APOBEC3C: variants seen among roughly 807,000 people sequenced by gnomAD.
APOBEC3C encodes DNA dC->dU-editing enzyme APOBEC-3C.
APOBEC3C carries 14 observed loss-of-function variants against 20.6 expected under a neutral mutation model. That is an observed-to-expected ratio of 0.68 (90% CI 0.45 to 1.06). APOBEC3C has a LOEUF of 1.06. Among genes scored for constraint, APOBEC3C ranks in the 50% least tolerant of loss-of-function variants. APOBEC3C has a pLI of 0.00. For missense variants in APOBEC3C, 244 were observed against 241.9 expected (o/e 1.01, Z -0.06); for synonymous variants, 98 against 88.8 (o/e 1.10, Z -0.58).
chr22:39,015,780 A>T, intron 2 of APOBEC3C, 29 bp downstream of exon 2: 1 of 1,603,230 alleles, frequency 6.2e-7, no homozygotes, highest in Non-Finnish European at 8.5e-7. Flanking sequence ...TTACACCCTA[A>T]ATAGGAGCTA....
chr22:39,016,022 C>T (rs1044425199), intron 2 of APOBEC3C, among the ~76,000 whole-genome samples: 1 of 151,658 alleles, frequency 6.6e-6, no homozygotes, highest in Non-Finnish European at 1.5e-5. Flanking sequence ...ATTACAGGCA[C>T]CTGCCACCAT....
chr22:39,014,420 T>C lies in APOBEC3C; in HGVS notation c.17+41T>C, dbSNP rs746369424. 18 of 1,613,432 alleles carry C rather than the reference T, an allele frequency of 1.1e-5. No homozygotes were observed. In the East Asian group the frequency reaches 3.8e-4, roughly 34 times the overall value. ...TTGTCCGCCAGGCCCCTCCTGCCAC[T>C]TCCTGCCAGGCGGTCCTGCTGGGCC... On this transcript the variant is annotated intron_variant, in intron 1 of 3. Coordinates refer to ENST00000361441, the MANE Select transcript of APOBEC3C (RefSeq NM_014508.3).
Position 39,014,263 on chromosome 22 carries a change from A to G in APOBEC3C, c.-100A>G, listed in dbSNP as rs988529920. Reference sequence around the variant, plus strand: ...CACAAGGCCCTGGGAGGTCACTTTAAAGAGGGCTGCTCAACTGCAAGGACG... The same window carrying G: ...CACAAGGCCCTGGGAGGTCACTTTAGAGAGGGCTGCTCAACTGCAAGGACG... On this transcript the variant is annotated 5_prime_UTR_variant, in exon 1 of 4. Transcript: ENST00000361441. The G allele has an allele frequency of 6.6e-6, 10 of 1,506,862 alleles. No homozygotes were observed. Among genetic ancestry groups the G allele is most frequent in the African/African-American group, 2.8e-5 (2 of 72,420 alleles). 93.3% of individuals were successfully genotyped at this position (1,506,862 alleles called of 1,614,324 possible).
chr22:39,017,721 G>C, intron 2 of APOBEC3C, 45 bp from the exon 3 acceptor site: 1 of 1,591,696 alleles, frequency 6.3e-7, no homozygotes, highest in Non-Finnish European at 8.6e-7. Context: ...CACTCCTCCT[G>C]CTCCTGGTCT....
intron 2 of APOBEC3C, among the ~76,000 whole-genome samples, chr22:39,016,359 C>T (rs1051458783): frequency 2.7e-5 from 4 of 148,180 alleles, no homozygotes; most frequent in African/African-American, 1.0e-4. Context: ...ACCACCATGC[C>T]CAGCTAATTT....
chr22:39,015,267 T>TG (rs1569048862), intron 1 of APOBEC3C, among the ~76,000 whole-genome samples: 1 of 147,700 alleles, frequency 6.8e-6, no homozygotes, highest in African/African-American at 2.5e-5. Context: ...AACTCCAGCC[T>TG]GGGGGACAGA....
chr22:39,018,022 C>T lies in APOBEC3C; in HGVS notation c.431C>T (p.Ala144Val), dbSNP rs1276205890. The change falls in exon 3 of 4, where the codon GCT becomes GTT. Residue 144 changes from alanine to valine, a missense_variant. Physicochemically the swap from Ala to Val is moderately conservative, Grantham distance 64. Transcript: ENST00000361441. ...GLRSLSQEGV[A>V]VEIMDYEDFK... ...CGCAGCCTGAGTCAGGAAGGGGTCG[C>T]TGTGGAGATCATGGACTATGAAGGT... The T allele has an allele frequency of 3.7e-6, 6 of 1,614,136 alleles. No individual in the cohort carries two copies. The South Asian group carries it at 4.4e-5, about 12-fold the overall frequency.
At chr22:39,016,147 G>A (rs1030085687) in intron 2 of APOBEC3C, among the ~76,000 whole-genome samples, 4 of 145,098 alleles carry the variant, frequency 2.8e-5, no homozygotes, top group African/African-American at 1.0e-4. Context: ...CAAAGTGCTA[G>A]GATTACATGC....
At chr22:39,016,512 C>T (rs1019604454) in intron 2 of APOBEC3C, among the ~76,000 whole-genome samples, 6 of 151,714 alleles carry the variant, frequency 4.0e-5, no homozygotes, top group Non-Finnish European at 8.8e-5. Flanking sequence ...CCACTGTGCC[C>T]GGCCTCCCCA....
At position 39,015,652 on chromosome 22, in the gene APOBEC3C, G is replaced by A; in HGVS notation, c.75G>A (p.Trp25Ter). The A allele has an allele frequency of 1.2e-6, 2 of 1,614,072 alleles. No homozygotes were observed. Among genetic ancestry groups the A allele is most frequent in the Non-Finnish European group, 1.7e-6 (2 of 1,180,016 alleles). ...TCTACTTCCAATTTAAAAACCTATGGGAAGCCAACGATCGGAACGAAACTT... is the reference window on the plus strand; with the variant it reads ...TCTACTTCCAATTTAAAAACCTATGAGAAGCCAACGATCGGAACGAAACTT... ...GTFYFQFKNL[W>*]EANDRNETWL... Residue 25 changes from tryptophan to a stop codon, truncating the protein, a stop_gained, in exon 2 of 4, where the codon TGG (tryptophan) becomes TGA (stop). Coordinates refer to ENST00000361441, the MANE Select transcript of APOBEC3C (RefSeq NM_014508.3). LOFTEE classifies it high-confidence loss of function.
rs1293876251 is a variant in APOBEC3C at position 39,019,966 on chromosome 22, T to C, written c.*1579T>C. 6.6e-6 allele frequency: 1 copy of C among 151,918 alleles called. No homozygotes were observed. Among genetic ancestry groups the C allele is most frequent in the East Asian group, 1.9e-4 (1 of 5,186 alleles). 9.4% of individuals were successfully genotyped at this position (151,918 alleles called of 1,614,324 possible). ...CATGCATCACCACACCTGGTTAATT[T>C]TGTAGTTTTAGTAGAGATGGGGTCT... On this transcript the variant is annotated 3_prime_UTR_variant, in exon 4 of 4. Transcript: ENST00000361441.
chr22:39,015,174 C>T (rs1220791686), intron 1 of APOBEC3C, among the ~76,000 whole-genome samples: 3 of 151,902 alleles, frequency 2.0e-5, no homozygotes, highest in African/African-American at 7.3e-5. Flanking sequence ...TGGCGGGCGT[C>T]TGTAATCCCA....
In APOBEC3C at chr22:39,017,858, C is replaced by T; in HGVS notation, c.267C>T (p.Thr89=). 1.2e-6 allele frequency: 2 copies of T among 1,614,160 alleles called. No homozygotes were observed. The highest frequency in any genetic ancestry group is 1.7e-6 in the Non-Finnish European group (2 of 1,180,018). ...CTCCTAACACAAAGTACCAGGTCAC[C>T]TGGTACACATCTTGGAGCCCTTGCC... ...ILSPNTKYQV[T]WYTSWSPCPD... Residue 89 remains threonine (T), a synonymous_variant, in exon 3 of 4, where the codon ACC becomes ACT. Coordinates refer to ENST00000361441, the MANE Select transcript of APOBEC3C (RefSeq NM_014508.3).
Position 39,017,760 on chromosome 22 carries a change from C to G in APOBEC3C, c.175-6C>G. On this transcript the variant is annotated splice_region_variant and splice_polypyrimidine_tract_variant and intron_variant, in intron 2 of 3. Transcript: ENST00000361441. ...CTCCCCTGTCCTCCTCCTCCTCCTTCGCCAGGTGGATTCTGAGACCCATTG... is the reference window on the plus strand; with the variant it reads ...CTCCCCTGTCCTCCTCCTCCTCCTTGGCCAGGTGGATTCTGAGACCCATTG... 6.2e-7 allele frequency: 1 copy of G among 1,611,148 alleles called. No homozygotes were observed. Among genetic ancestry groups the G allele is most frequent in the Non-Finnish European group, 8.5e-7 (1 of 1,177,704 alleles).
Position 39,020,000 on chromosome 22 carries a change from T to C in APOBEC3C, c.*1613T>C, listed in dbSNP as rs1924978610. 6.6e-6 allele frequency: 1 copy of C among 152,052 alleles called. No individual in the cohort carries two copies. Among genetic ancestry groups the C allele is most frequent in the Admixed American group, 6.6e-5 (1 of 15,258 alleles). The allele number at this position is 152,052 out of a possible 1,614,324, so 9.4% of individuals were successfully genotyped here. Reference sequence around the variant, plus strand: ...TAGTAGAGATGGGGTCTCACCATGTTGGCCAGACTGGTCTCGAACTCCTGA... The same window carrying C: ...TAGTAGAGATGGGGTCTCACCATGTCGGCCAGACTGGTCTCGAACTCCTGA... On this transcript the variant is annotated 3_prime_UTR_variant, in exon 4 of 4. Transcript: ENST00000361441.
intron 2 of APOBEC3C, among the ~76,000 whole-genome samples, chr22:39,017,029 C>T (rs1420966159): frequency 1.3e-5 from 2 of 152,050 alleles, no homozygotes; most frequent in African/African-American, 2.4e-5. Context: ...GTTGGGAGTT[C>T]GAGACCAGCC....
rs376123035 is a variant in APOBEC3C at position 39,014,315 on chromosome 22, G to T, written c.-48G>T. 3 of 1,613,540 alleles carry T rather than the reference G, an allele frequency of 1.9e-6. No homozygotes were observed. The highest frequency in any genetic ancestry group is 2.7e-5 in the African/African-American group (2 of 74,898). On this transcript the variant is annotated 5_prime_UTR_variant, in exon 1 of 4. Coordinates refer to ENST00000361441, the MANE Select transcript of APOBEC3C (RefSeq NM_014508.3). ...TGTAAGCAGGAAGAGAAGCCACAGCGCTTCAGAAAAGAGTGGGACAGGGAC... is the reference window on the plus strand; with the variant it reads ...TGTAAGCAGGAAGAGAAGCCACAGCTCTTCAGAAAAGAGTGGGACAGGGAC...
Position 39,018,003 on chromosome 22 carries a change from C to T in APOBEC3C, c.412C>T (p.Leu138=). The change falls in exon 3 of 4, where the codon CTG becomes TTG. Residue 138 remains leucine, a synonymous_variant. Transcript: ENST00000361441. ...YPCYQEGLRS[L]SQEGVAVEIM... is the part of the protein sequence containing the mutation. ...ATGTTACCAGGAGGGGCTCCGCAGC[C>T]TGAGTCAGGAAGGGGTCGCTGTGGA... 1.2e-6 allele frequency: 2 copies of T among 1,614,168 alleles called. No individual in the cohort carries two copies. Among genetic ancestry groups the T allele is most frequent in the Non-Finnish European group, 1.7e-6 (2 of 1,180,038 alleles).
At chr22:39,015,925 G>C (rs949941018) in intron 2 of APOBEC3C, among the ~76,000 whole-genome samples, 174 bp downstream of exon 2, 1 of 148,316 alleles carries the variant, frequency 6.7e-6, no homozygotes, top group African/African-American at 2.5e-5. Context: ...ACCCAGGCTG[G>C]AATGCAGTGG....
Sources: allele counts gnomAD v4.1 joint callset (sites outside exome capture counted in the v4.1 genomes callset), GRCh38; gene constraint gnomAD v4.1.1; transcripts MANE v1.5; gene names NCBI Gene and HGNC (gene_info 2026-07-23, HGNC 2026-07-21).